The following FAT4 variants were observed in gnomAD, a reference collection of about 807,000 sequenced individuals.
The protein encoded by FAT4 is protocadherin Fat 4.
A neutral mutation model predicts 303.9 loss-of-function variants in FAT4; 84 were observed. That is an observed-to-expected ratio of 0.28 (90% confidence interval 0.23 to 0.33). The LOEUF is 0.33. FAT4 is among the 10% of genes least tolerant of loss of function. The pLI, the probability that FAT4 is intolerant of heterozygous loss-of-function variation, is 1.00. For missense variants in FAT4, 6,005 were observed against 6,146.8 expected (o/e 0.98, Z 0.77); for synonymous variants, 2,307 against 2,298.8 (o/e 1.00, Z -0.10).
intron 2 of FAT4, among the ~76,000 whole-genome samples, chr4:125,336,222 A>T (rs1162165128): frequency 6.6e-6 from 1 of 152,098 alleles, no homozygotes; most frequent in African/African-American, 2.4e-5. Context: ...TTTTTAAATG[A>T]GTGACTAGTG....
At chr4:125,394,065 A>G in intron 2 of FAT4, 1 of 759,340 alleles carries the variant, frequency 1.3e-6, no homozygotes, top group Non-Finnish European at 2.5e-6. Context: ...GAAACCACAC[A>G]CATTTTTAAA....
intron 3 of FAT4, among the ~76,000 whole-genome samples, chr4:125,406,119 A>T (rs1294216362): frequency 1.3e-5 from 2 of 152,260 alleles, no homozygotes; most frequent in South Asian, 4.1e-4. Context: ...GCAATTTTCA[A>T]CTAGGAGTTC....
At chr4:125,346,062 G>T (rs1486152986) in intron 2 of FAT4, among the ~76,000 whole-genome samples, 6 of 151,944 alleles carry the variant, frequency 3.9e-5, no homozygotes. Flanking sequence ...CTAAAACCTT[G>T]TGTCTTTTAA....
intron 2 of FAT4, among the ~76,000 whole-genome samples, chr4:125,394,524 A>G (rs1734094412): frequency 1.3e-5 from 2 of 152,180 alleles, no homozygotes; most frequent in Non-Finnish European, 2.9e-5. Flanking sequence ...TTTAAGCTAA[A>G]CCACTAATAA....
chr4:125,370,685 C>G (rs766412943), intron 2 of FAT4, among the ~76,000 whole-genome samples: 4 of 152,142 alleles, frequency 2.6e-5, no homozygotes, highest in Non-Finnish European at 4.4e-5. Context: ...GATTACTCAG[C>G]AGAATTAAAG....
intron 2 of FAT4, among the ~76,000 whole-genome samples, chr4:125,384,605 G>GT (rs891636557): frequency 5.3e-5 from 8 of 152,006 alleles, no homozygotes; most frequent in African/African-American, 1.7e-4. Context: ...ATTCTGTGAG[G>GT]TTTTCTTTCA....
At chr4:125,440,643 G>GAGAGAGAGAGAT in intron 8 of FAT4, among the ~76,000 whole-genome samples, 1 of 151,306 alleles carries the variant, frequency 6.6e-6, no homozygotes, top group African/African-American at 2.4e-5. Context: ...GAGAGAGAGA[G>GAGAGAGAGAGAT]AATTTATTCC....
At chr4:125,403,773 A>G (rs943982618) in intron 3 of FAT4, among the ~76,000 whole-genome samples, 3 of 152,148 alleles carry the variant, frequency 2.0e-5, no homozygotes, top group African/African-American at 7.2e-5. Flanking sequence ...CTTGAAATTT[A>G]AAAAGACTTT....
intron 2 of FAT4, among the ~76,000 whole-genome samples, chr4:125,376,733 C>T (rs189684004): frequency 8.7e-4 from 132 of 152,164 alleles, no homozygotes; most frequent in Admixed American, 2.5e-3. Context: ...AACCCGGTCT[C>T]TACTAAAAAT....
intron 3 of FAT4, among the ~76,000 whole-genome samples, chr4:125,404,551 C>T (rs1052158164): frequency 2.0e-5 from 3 of 152,012 alleles, no homozygotes; most frequent in East Asian, 1.9e-4. Context: ...TCATTTGATA[C>T]GCTTTTATTT....
intron 2 of FAT4, among the ~76,000 whole-genome samples, chr4:125,358,865 G>A (rs1255539983): frequency 6.6e-6 from 1 of 152,062 alleles, no homozygotes; most frequent in Non-Finnish European, 1.5e-5. Context: ...TAGAAGGAAA[G>A]ACAGCTAGAA....
chr4:125,347,125 A>G (rs575446479), intron 2 of FAT4, among the ~76,000 whole-genome samples: 11 of 151,774 alleles, frequency 7.2e-5, no homozygotes, highest in Non-Finnish European at 4.4e-5. Flanking sequence ...GGCAAGGCAT[A>G]TATAAGAATA....
At chr4:125,447,517 T>C (rs1238084686) in intron 9 of FAT4, among the ~76,000 whole-genome samples, 1 of 152,152 alleles carries the variant, frequency 6.6e-6, no homozygotes, top group Non-Finnish European at 1.5e-5. Context: ...ATGGTTCTAA[T>C]TACATCCAAT....
intron 2 of FAT4, among the ~76,000 whole-genome samples, chr4:125,360,497 C>T (rs1732612559): frequency 6.6e-6 from 1 of 152,024 alleles, no homozygotes; most frequent in Admixed American, 6.6e-5. Flanking sequence ...CGGTAGAGTC[C>T]CACTGTGAAG....
intron 14 of FAT4, 198 bp downstream of exon 14, chr4:125,477,532 T>C (rs1560631936): frequency 5.6e-6 from 2 of 356,630 alleles, no homozygotes; most frequent in Non-Finnish European, 9.2e-6. Context: ...AATATGTTTC[T>C]AGATTCTTAT....
chr4:125,428,690 G>T (rs1194200901), intron 7 of FAT4, among the ~76,000 whole-genome samples: 2 of 152,094 alleles, frequency 1.3e-5, no homozygotes, highest in Non-Finnish European at 2.9e-5. Flanking sequence ...GCATACATAT[G>T]TACACACACT....
At position 125,315,611 on chromosome 4, in the gene FAT4, G is replaced by A. The variant is rs1445243630; in HGVS notation, c.-379G>A. Reference sequence around the variant, plus strand: ...AGGTGAAAAATGCCGAGGAGCCCTGGCTGTTGTTTGTGCCGGACCACGGGC... The same window carrying A: ...AGGTGAAAAATGCCGAGGAGCCCTGACTGTTGTTTGTGCCGGACCACGGGC... On this transcript the variant is annotated 5_prime_UTR_variant, in exon 1 of 18. Transcript: ENST00000394329. Among the ~76,000 whole-genome samples, 2 of 152,208 alleles carry A rather than the reference G, an allele frequency of 1.3e-5. No homozygotes were observed. Among genetic ancestry groups the A allele is most frequent in the Non-Finnish European group, 2.9e-5 (2 of 68,046 alleles).
intron 11 of FAT4, among the ~76,000 whole-genome samples, chr4:125,466,218 C>T (rs115565030): frequency 2.4e-3 from 358 of 152,018 alleles, no homozygotes; most frequent in Middle Eastern, 6.8e-3. Flanking sequence ...AATTAAGATG[C>T]GACCTTTCTG....
intron 7 of FAT4, among the ~76,000 whole-genome samples, chr4:125,432,657 G>A (rs2126042669): frequency 6.6e-6 from 1 of 152,086 alleles, no homozygotes; most frequent in Non-Finnish European, 1.5e-5. Flanking sequence ...ATTACCAATA[G>A]ATTGAGGGCT....
Sources: gnomAD v4.1 joint callset for allele counts (sites outside exome capture counted in the v4.1 genomes callset) on GRCh38, gnomAD v4.1.1 for gene constraint, MANE v1.5 for transcripts, NCBI Gene and HGNC (gene_info 2026-07-23, HGNC 2026-07-21) for gene names.